Variants in CSMD1 observed in about 807,000 individuals in gnomAD.
CSMD1 encodes the protein CUB and Sushi multiple domains 1.
Under a neutral mutation model 417.5 loss-of-function variants are expected in CSMD1, and 213 were observed. The observed-to-expected ratio is 0.51, with a 90% CI of 0.46 to 0.57. The LOEUF (loss-of-function observed/expected upper bound fraction) is 0.57, where lower values mean the gene tolerates loss of function less well. CSMD1 is among the 20% of genes least tolerant of loss of function. CSMD1 has a pLI of 0.00. For missense variants in CSMD1, 6,923 were observed against 4,529.7 expected, an observed-to-expected ratio of 1.53 and a Z score of -15.17; for synonymous variants, 2,862 against 1,736.8, an observed-to-expected ratio of 1.65 and a Z score of -16.11.
chr8:3,158,507 C>A (rs1441352675), intron 38 of CSMD1, among the ~76,000 whole-genome samples: 2 of 152,096 alleles, frequency 1.3e-5, no homozygotes, highest in Non-Finnish European at 2.9e-5. Context: ...CATTTTCTCA[C>A]TAGACATCCT....
intron 10 of CSMD1, among the ~76,000 whole-genome samples, chr8:3,515,868 T>TATCTCATAGCA: frequency 6.6e-6 from 1 of 152,180 alleles, no homozygotes; most frequent in Non-Finnish European, 1.5e-5. Flanking sequence ...GTGGGGAAAA[T>TATCTCATAGCA]TAACTTCTCA....
At chr8:4,801,949 T>C (rs1798310508) in intron 1 of CSMD1, among the ~76,000 whole-genome samples, 1 of 152,202 alleles carries the variant, frequency 6.6e-6, no homozygotes, top group Non-Finnish European at 1.5e-5. Flanking sequence ...TACATTTTGA[T>C]CATCTCTTCC....
chr8:4,088,660 T>C (rs1355433268), intron 3 of CSMD1, among the ~76,000 whole-genome samples: 1 of 152,156 alleles, frequency 6.6e-6, no homozygotes, highest in African/African-American at 2.4e-5. Context: ...ATTGTCTTCA[T>C]GTTTTCACCT....
chr8:4,430,031 C>G (rs569611504), intron 2 of CSMD1, among the ~76,000 whole-genome samples: 1 of 152,182 alleles, frequency 6.6e-6, no homozygotes, highest in Non-Finnish European at 1.5e-5. Flanking sequence ...ATGAAATCGA[C>G]TGCCTGAGTT....
intron 1 of CSMD1, among the ~76,000 whole-genome samples, chr8:4,770,887 TG>T (rs1437059120): frequency 1.3e-5 from 2 of 152,082 alleles, no homozygotes; most frequent in African/African-American, 4.8e-5. Context: ...TCGTTAACAT[TG>T]GCCTTGACGA....
At chr8:3,638,437 C>T (rs1280578461) in intron 7 of CSMD1, among the ~76,000 whole-genome samples, 1 of 151,162 alleles carries the variant, frequency 6.6e-6, no homozygotes, top group Non-Finnish European at 1.5e-5. Flanking sequence ...GCAACTGCAC[C>T]CCTCCAAAAA....
At chr8:4,149,580 G>A (rs77678951) in intron 3 of CSMD1, among the ~76,000 whole-genome samples, 1 of 152,184 alleles carries the variant, frequency 6.6e-6, no homozygotes, top group South Asian at 2.1e-4. Flanking sequence ...ATCCGAACCA[G>A]ATTTATGCTA....
intron 1 of CSMD1, among the ~76,000 whole-genome samples, chr8:4,942,028 C>A (rs5004554): frequency 2.6e-5 from 4 of 152,038 alleles, no homozygotes; most frequent in Admixed American, 1.3e-4. Context: ...CAAAATTACC[C>A]TGGGTAAATG....
At chr8:2,971,346 G>A (rs902301211) in intron 57 of CSMD1, among the ~76,000 whole-genome samples, 24 of 152,072 alleles carry the variant, frequency 1.6e-4, no homozygotes, top group Admixed American at 6.6e-4. Flanking sequence ...TGCACTTATC[G>A]GGTCTCTTAA....
intron 5 of CSMD1, among the ~76,000 whole-genome samples, chr8:3,846,417 T>A (rs913836140): frequency 5.3e-5 from 8 of 152,018 alleles, no homozygotes; most frequent in African/African-American, 1.9e-4. Context: ...ATGTAAGTTT[T>A]GATTAGCCCC....
chr8:3,600,339 T>A (rs1011254913), intron 8 of CSMD1, among the ~76,000 whole-genome samples: 13 of 152,194 alleles, frequency 8.5e-5, no homozygotes, highest in Non-Finnish European at 1.6e-4. Context: ...TGGGTGGATT[T>A]ATTACCTTTA....
chr8:3,306,897 TAACTCAG>T (rs1804901213), intron 25 of CSMD1, among the ~76,000 whole-genome samples: 3 of 152,274 alleles, frequency 2.0e-5, no homozygotes, highest in Admixed American at 6.5e-5. Flanking sequence ...CTCATCATCA[TAACTCAG>T]AACTCACTAT....
At chr8:4,939,712 T>C (rs369313339) in intron 1 of CSMD1, among the ~76,000 whole-genome samples, 19 of 152,142 alleles carry the variant, frequency 1.2e-4, no homozygotes, top group Non-Finnish European at 1.8e-4. Flanking sequence ...AGGAATAATT[T>C]CAAGTGATCT....
At chr8:4,112,127 C>T (rs368402301) in intron 3 of CSMD1, among the ~76,000 whole-genome samples, 5 of 152,074 alleles carry the variant, frequency 3.3e-5, no homozygotes, top group African/African-American at 7.2e-5. Flanking sequence ...GATCAGGGGC[C>T]CCTTCAAAGT....
At chr8:4,152,506 T>C (rs1796620731) in intron 3 of CSMD1, among the ~76,000 whole-genome samples, 1 of 146,204 alleles carries the variant, frequency 6.8e-6, no homozygotes, top group African/African-American at 2.6e-5. Context: ...TGCAAAGCCC[T>C]GTCTCTACAG....
rs200204075 is a variant in CSMD1 at position 3,409,633 on chromosome 8, T to TA, written c.1562-29dup. The stretch of plus-strand genomic sequence containing the variant: ...GAAAATGGAAAAACAAATGAACCCT[T>TA]AAAAAAACACACACAAGGAATATTT... On this transcript the variant is annotated intron_variant, in intron 12 of 69. Transcript: ENST00000635120. 4.6e-6 allele frequency: 7 copies of TA among 1,511,568 alleles called. No individual in the cohort carries two copies. In the South Asian group the frequency reaches 5.0e-5, roughly 11 times the overall value. 93.6% of individuals were successfully genotyped at this position (1,511,568 alleles called of 1,614,324 possible).
At chr8:3,657,730 G>C (rs1184694852) in intron 7 of CSMD1, among the ~76,000 whole-genome samples, 6 of 152,128 alleles carry the variant, frequency 3.9e-5, no homozygotes, top group African/African-American at 1.4e-4. Context: ...AGCATTAGGA[G>C]AAATACCTAA....
intron 7 of CSMD1, among the ~76,000 whole-genome samples, chr8:3,682,955 C>G (rs1799744153): frequency 6.6e-6 from 1 of 152,092 alleles, no homozygotes; most frequent in South Asian, 2.1e-4. Context: ...GACCAAAAAC[C>G]AAACACTGCA....
intron 5 of CSMD1, among the ~76,000 whole-genome samples, chr8:3,982,035 G>T (rs1466310216): frequency 1.3e-5 from 2 of 151,890 alleles, no homozygotes; most frequent in Non-Finnish European, 2.9e-5. Context: ...GCCTGGCGCG[G>T]TGACGGTCGC....
Sources: allele counts gnomAD v4.1 joint callset (sites outside exome capture counted in the v4.1 genomes callset), GRCh38; gene constraint gnomAD v4.1.1; transcripts MANE v1.5; gene names NCBI Gene and HGNC (gene_info 2026-07-23, HGNC 2026-07-21).